The following MSRA variants were observed in gnomAD, a reference collection of about 807,000 sequenced individuals.
MSRA encodes the protein mitochondrial peptide methionine sulfoxide reductase.
In MSRA, 54 loss-of-function variants were observed where a neutral mutation model predicts 31.3. That is an observed-to-expected ratio of 1.73 (90% CI 1.39 to 2.17). The LOEUF (loss-of-function observed/expected upper bound fraction) is 2.17. Among genes scored for constraint, MSRA ranks in the 30% most tolerant of loss-of-function variants. The pLI, the probability that MSRA is intolerant of heterozygous loss-of-function variation, is 0.00. For synonymous variants in MSRA, 169 were observed against 116.5 expected (o/e 1.45, Z -2.90); for missense variants, 507 against 300.9 (o/e 1.69, Z -5.07).
chr8:10,394,138 C>G (rs77200739), intron 5 of MSRA, among the ~76,000 whole-genome samples: 2,044 of 152,306 alleles, frequency 0.013, 21 homozygotes, highest in South Asian at 0.043. Context: ...TTTTACCAGT[C>G]TCTTCGACGT....
At chr8:10,249,761 T>A (rs1291703205) in intron 3 of MSRA, among the ~76,000 whole-genome samples, 1 of 152,166 alleles carries the variant, frequency 6.6e-6, no homozygotes, top group African/African-American at 2.4e-5. Flanking sequence ...TGAGAAGTAA[T>A]TCATGTCTTA....
In MSRA at chr8:10,196,767, T is replaced by A. The variant is rs190137042; in HGVS notation, c.143-11066T>A. On this transcript the variant is annotated intron_variant, in intron 1 of 5. Coordinates refer to ENST00000317173, the MANE Select transcript of MSRA (RefSeq NM_012331.5). ...TTTAATTTTTAGTAGAAATGGGGTT[T>A]CACCATGTTGGCCAGGCTGGTCTCG... Among the ~76,000 whole-genome samples the A allele has an allele frequency of 4.6e-5, 7 of 152,136 alleles. No homozygotes were observed. The East Asian group carries it at 1.4e-3, about 29-fold the overall frequency.
intron 3 of MSRA, among the ~76,000 whole-genome samples, chr8:10,249,538 A>G (rs1797807821): frequency 6.6e-6 from 1 of 152,182 alleles, no homozygotes; most frequent in African/African-American, 2.4e-5. Context: ...CCTCAGGTTC[A>G]TTAAGCACTG....
intron 3 of MSRA, among the ~76,000 whole-genome samples, chr8:10,273,094 C>G (rs567263752): frequency 2.6e-5 from 4 of 152,190 alleles, no homozygotes; most frequent in Non-Finnish European, 5.9e-5. Context: ...AAAAGCTATT[C>G]ACATGCATAT....
intron 1 of MSRA, among the ~76,000 whole-genome samples, chr8:10,109,628 C>T (rs1008776729): frequency 2.0e-5 from 3 of 152,240 alleles, no homozygotes; most frequent in Non-Finnish European, 4.4e-5. Context: ...AGGTGTACGC[C>T]ACTGTGCCCA....
At chr8:10,413,957 G>A (rs1808309758) in intron 5 of MSRA, among the ~76,000 whole-genome samples, 1 of 152,130 alleles carries the variant, frequency 6.6e-6, no homozygotes, top group African/African-American at 2.4e-5. Context: ...TTGAGCCCAG[G>A]AGTTTGAGAC....
At chr8:10,248,845 G>A (rs116067137) in intron 3 of MSRA, among the ~76,000 whole-genome samples, 80 of 152,302 alleles carry the variant, frequency 5.3e-4, no homozygotes, top group African/African-American at 1.9e-3. Flanking sequence ...ACAAGGGGGC[G>A]GTCTCTTAGG....
At chr8:10,254,394 C>G (rs571019731) in intron 3 of MSRA, among the ~76,000 whole-genome samples, 91 of 152,260 alleles carry the variant, frequency 6.0e-4, no homozygotes, top group African/African-American at 2.1e-3. Context: ...TTTTTCCACT[C>G]TGGTTTATTG....
At chr8:10,099,129 A>C (rs1405773826) in intron 1 of MSRA, among the ~76,000 whole-genome samples, 1 of 152,154 alleles carries the variant, frequency 6.6e-6, no homozygotes, top group Non-Finnish European at 1.5e-5. Flanking sequence ...GAGAGAGTGC[A>C]TTTAACTCAG....
chr8:10,358,973 G>A (rs924337814), intron 5 of MSRA, among the ~76,000 whole-genome samples: 5 of 152,090 alleles, frequency 3.3e-5, no homozygotes, highest in African/African-American at 4.8e-5. Context: ...TATAACTGAC[G>A]CCTGATGATC....
intron 1 of MSRA, among the ~76,000 whole-genome samples, chr8:10,106,760 C>A (rs1799908272): frequency 6.6e-6 from 1 of 152,140 alleles, no homozygotes; most frequent in Non-Finnish European, 1.5e-5. Flanking sequence ...TTATGGTAGC[C>A]TCTCCATACA....
rs147374140 is a variant in MSRA at position 10,067,948 on chromosome 8, A to G, written c.142+13290A>G. On this transcript the variant is annotated intron_variant, in intron 1 of 5. Transcript: ENST00000317173. ...GCCCAGGCTGGAGTGCAGTGGTGCG[A>G]TCTTGGCTCACCACAACCTCTGCCT... Among the ~76,000 whole-genome samples, 827 of 126,260 alleles carry G rather than the reference A, an allele frequency of 6.5e-3. 5 individuals carry two copies. The highest frequency in any genetic ancestry group is 0.03 in the Middle Eastern group (4 of 134). 82.8% of individuals were successfully genotyped at this position (126,260 alleles called of 152,430 possible).
intron 5 of MSRA, among the ~76,000 whole-genome samples, chr8:10,346,406 A>T (rs1585540851): frequency 6.6e-6 from 1 of 151,764 alleles, no homozygotes; most frequent in Non-Finnish European, 1.5e-5. Flanking sequence ...ACCCTCCCCC[A>T]CTCTAGGGAC....
intron 2 of MSRA, among the ~76,000 whole-genome samples, chr8:10,220,863 G>A (rs878903550): frequency 1.3e-5 from 2 of 152,248 alleles, no homozygotes; most frequent in Admixed American, 1.3e-4. Context: ...AGGACATTAA[G>A]GGAGGAGGAC....
chr8:10,330,999 A>G (rs1013459019), intron 5 of MSRA, among the ~76,000 whole-genome samples: 3 of 152,192 alleles, frequency 2.0e-5, no homozygotes, highest in Non-Finnish European at 4.4e-5. Flanking sequence ...CTGTCCTTAT[A>G]CGAAGAGACA....
chr8:10,239,788 T>A (rs1468123918), intron 2 of MSRA, among the ~76,000 whole-genome samples: 1 of 152,162 alleles, frequency 6.6e-6, no homozygotes, highest in Non-Finnish European at 1.5e-5. Flanking sequence ...GTAAATGAAG[T>A]CAATCCTGTT....
At chr8:10,194,224 C>G (rs543386020) in intron 1 of MSRA, among the ~76,000 whole-genome samples, 1 of 152,094 alleles carries the variant, frequency 6.6e-6, no homozygotes, top group Admixed American at 6.6e-5. Context: ...TATTTCTATC[C>G]AAAATTTTGC....
At chr8:10,092,642 C>CAAA (rs35804227) in intron 1 of MSRA, among the ~76,000 whole-genome samples, 1 of 145,674 alleles carries the variant, frequency 6.9e-6, no homozygotes, top group Admixed American at 6.8e-5. Context: ...GATTCTGTCT[C>CAAA]AAAAAAAAAA....
chr8:10,072,152 A>G (rs1445302795), intron 1 of MSRA, among the ~76,000 whole-genome samples: 1 of 152,122 alleles, frequency 6.6e-6, no homozygotes, highest in Non-Finnish European at 1.5e-5. Flanking sequence ...AGCTTGCAGC[A>G]GTGAGAGATA....
Sources: gnomAD v4.1 joint callset for allele counts (sites outside exome capture counted in the v4.1 genomes callset) on GRCh38, gnomAD v4.1.1 for gene constraint, MANE v1.5 for transcripts, NCBI Gene and HGNC (gene_info 2026-07-23, HGNC 2026-07-21) for gene names.